The following KIF18A variants were observed in gnomAD, a reference collection of about 807,000 sequenced individuals.
The protein encoded by KIF18A is kinesin family member 18A, also known as kinesin-like protein KIF18A.
KIF18A carries 67 observed loss-of-function variants against 103.3 expected under a neutral mutation model. The observed-to-expected ratio is 0.65, with a 90% CI of 0.53 to 0.79. The LOEUF (loss-of-function observed/expected upper bound fraction) is 0.79. KIF18A is among the 30% of genes least tolerant of loss of function. The probability of loss-of-function intolerance (pLI) is 0.00; values close to 1 mark genes in which losing one functional copy is unlikely to be tolerated. For missense variants in KIF18A, 1,032 were observed against 1,062.5 expected (o/e 0.97, Z 0.40); for synonymous variants, 367 against 355.5 (o/e 1.03, Z -0.36).
chr11:28,028,442 G>A (rs546343554), intron 15 of KIF18A, among the ~76,000 whole-genome samples: 110 of 152,148 alleles, frequency 7.2e-4, no homozygotes, highest in Non-Finnish European at 1.3e-3. Flanking sequence ...GGTACATAAC[G>A]AAATGAAGGC....
At chr11:28,039,017 A>G (rs929898926) in intron 13 of KIF18A, among the ~76,000 whole-genome samples, 2 of 151,646 alleles carry the variant, frequency 1.3e-5, no homozygotes, top group Non-Finnish European at 3.0e-5. Flanking sequence ...AGGGTAGAGG[A>G]CTGAATTGGG....
chr11:28,084,864 C>CAT, intron 6 of KIF18A, 56 bp from the exon 7 acceptor site: 10 of 1,396,680 alleles, frequency 7.2e-6, no homozygotes, highest in Non-Finnish European at 1.0e-5. Context: ...TGCAAACCTG[C>CAT]TACCACTTTA....
chr11:28,046,659 C>T (rs1390457276), intron 13 of KIF18A, among the ~76,000 whole-genome samples: 1 of 125,894 alleles, frequency 7.9e-6, no homozygotes, highest in Non-Finnish European at 1.6e-5. Flanking sequence ...AACTAACCTG[C>T]ACAATGTGCA....
chr11:28,092,689 T>TA (rs911855722), intron 3 of KIF18A, among the ~76,000 whole-genome samples: 4 of 152,202 alleles, frequency 2.6e-5, no homozygotes, highest in Non-Finnish European at 5.9e-5. Flanking sequence ...ATTTAGTCTC[T>TA]AAAAAATTAT....
intron 13 of KIF18A, among the ~76,000 whole-genome samples, chr11:28,042,465 T>C (rs1319319798): frequency 6.6e-6 from 1 of 151,978 alleles, no homozygotes; most frequent in Non-Finnish European, 1.5e-5. Flanking sequence ...TCTTATAATA[T>C]TTTGTTAGTA....
intron 11 of KIF18A, among the ~76,000 whole-genome samples, chr11:28,064,593 A>G (rs1037517720): frequency 2.0e-5 from 3 of 152,024 alleles, no homozygotes; most frequent in African/African-American, 4.8e-5. Context: ...CTAAAACTTA[A>G]AGTATAAAGA....
chr11:28,068,522 C>T (rs1198047513), intron 11 of KIF18A, among the ~76,000 whole-genome samples: 3 of 149,626 alleles, frequency 2.0e-5, no homozygotes, highest in Non-Finnish European at 3.0e-5. Context: ...CTTCTATCTA[C>T]AGATAGCCAT....
intron 11 of KIF18A, among the ~76,000 whole-genome samples, chr11:28,065,262 C>G (rs1336425555): frequency 6.6e-6 from 1 of 151,912 alleles, no homozygotes; most frequent in Non-Finnish European, 1.5e-5. Flanking sequence ...AAAGTTATGT[C>G]TCAATTTGCT....
intron 1 of KIF18A, among the ~76,000 whole-genome samples, chr11:28,101,997 A>G (rs1851451433): frequency 6.6e-6 from 1 of 152,180 alleles, no homozygotes; most frequent in Non-Finnish European, 1.5e-5. Context: ...CTCTGGCATA[A>G]CATTATGAGA....
chr11:28,021,774 T>C (rs573779420), intron 16 of KIF18A, among the ~76,000 whole-genome samples: 1 of 152,326 alleles, frequency 6.6e-6, no homozygotes. Flanking sequence ...ACCTCTCAAG[T>C]ATGTTCTATT....
At position 28,083,250 on chromosome 11, in the gene KIF18A, A is replaced by G. The variant is rs762542653; in HGVS notation, c.1075-7T>C. 1 of 1,547,480 alleles carries G rather than the reference A, an allele frequency of 6.5e-7. No homozygotes were observed. Among genetic ancestry groups the G allele is most frequent in the Admixed American group, 2.4e-5 (1 of 41,380 alleles). On this transcript the variant is annotated splice_polypyrimidine_tract_variant and splice_region_variant and intron_variant, in intron 7 of 16. Transcript: ENST00000263181. ...TAAGAACATTGCTCTTCAACTGTTG[A>G]AAGATAGAAATTATGATTGTTTATA...
chr11:28,066,420 G>C (rs183216802), intron 11 of KIF18A, among the ~76,000 whole-genome samples: 5 of 152,066 alleles, frequency 3.3e-5, no homozygotes, highest in East Asian at 3.9e-4. Flanking sequence ...TGCATTCTAT[G>C]ATGAGCCTCT....
intron 1 of KIF18A, among the ~76,000 whole-genome samples, chr11:28,104,958 T>C (rs1026822356): frequency 3.9e-5 from 6 of 152,170 alleles, no homozygotes; most frequent in African/African-American, 1.4e-4. Context: ...CAGGTTTATT[T>C]TCCATTTCAT....
intron 13 of KIF18A, among the ~76,000 whole-genome samples, chr11:28,039,102 G>C (rs1003752962): frequency 9.2e-5 from 14 of 151,640 alleles, no homozygotes; most frequent in African/African-American, 3.4e-4. Flanking sequence ...CACTTAAGCA[G>C]TGTGGGCATT....
chr11:28,059,240 C>G, intron 12 of KIF18A, 79 bp from the exon 13 acceptor site: 1 of 951,404 alleles, frequency 1.1e-6, no homozygotes, highest in Non-Finnish European at 1.6e-6. Flanking sequence ...TATGTAACAC[C>G]CAAAGCATTA....
chr11:28,089,503 T>G (rs1851274089), intron 5 of KIF18A, among the ~76,000 whole-genome samples: 1 of 152,222 alleles, frequency 6.6e-6, no homozygotes, highest in South Asian at 2.1e-4. Context: ...TTCATATGAC[T>G]GGCAGTGCAG....
chr11:28,091,741 G>A (rs1194836728), intron 3 of KIF18A, among the ~76,000 whole-genome samples: 1 of 152,206 alleles, frequency 6.6e-6, no homozygotes, highest in East Asian at 1.9e-4. Flanking sequence ...TAAAGTTGGA[G>A]TCATCCCCTC....
rs111752710 is a variant in KIF18A, at chr11:28,081,901, T to A, written c.1262+955A>T. Among the ~76,000 whole-genome samples the A allele has an allele frequency of 6.6e-5, 10 of 152,230 alleles. 1 individual carries two copies. The highest frequency in any genetic ancestry group is 2.4e-4 in the African/African-American group (10 of 41,568). On this transcript the variant is annotated intron_variant, in intron 9 of 16. Coordinates refer to ENST00000263181, the MANE Select transcript of KIF18A (RefSeq NM_031217.4). ...GTGTAAGGAGGTCAAAATATCAACATTAATAGGAATTTGGAGGAAGTAGAT... is the reference window on the plus strand; with the variant it reads ...GTGTAAGGAGGTCAAAATATCAACAATAATAGGAATTTGGAGGAAGTAGAT...
In KIF18A at chr11:28,024,418, G is replaced by A. The variant is rs562710141; in HGVS notation, c.2505-568C>T. On this transcript the variant is annotated intron_variant, in intron 15 of 16. Transcript: ENST00000263181. ...TTTAATCAGTCTTACACTGCTGATGGTTCAACTTTCTTACTCAATTTGAGT... is the reference window on the plus strand; with the variant it reads ...TTTAATCAGTCTTACACTGCTGATGATTCAACTTTCTTACTCAATTTGAGT... Among the ~76,000 whole-genome samples the A allele has an allele frequency of 9.9e-5, 15 of 152,092 alleles. No homozygotes were observed. The South Asian group carries it at 2.9e-3, about 29-fold the overall frequency.
Sources: allele counts gnomAD v4.1 joint callset (sites outside exome capture counted in the v4.1 genomes callset), GRCh38; gene constraint gnomAD v4.1.1; transcripts MANE v1.5; gene names NCBI Gene and HGNC (gene_info 2026-07-23, HGNC 2026-07-21).